Variants in ARHGAP35 observed in about 807,000 individuals in gnomAD.
ARHGAP35 encodes rho GTPase-activating protein 35.
A neutral mutation model predicts 111.1 loss-of-function variants in ARHGAP35; 15 were observed. That is an observed-to-expected ratio of 0.13 (90% confidence interval 0.09 to 0.21). The LOEUF is 0.21. Ranked by LOEUF, ARHGAP35 falls within the 10% of genes least tolerant of loss-of-function variation. The pLI is 1.00. For missense variants in ARHGAP35, 1,262 were observed against 1,873.0 expected (o/e 0.67, Z 6.02); for synonymous variants, 643 against 710.3 (o/e 0.91, Z 1.51).
At chr19:46,861,347 C>T (rs963589184) in intron 1 of ARHGAP35, among the ~76,000 whole-genome samples, 138 bp downstream of exon 1, 51 of 149,780 alleles carry the variant, frequency 3.4e-4, no homozygotes, top group Middle Eastern at 3.5e-3. Context: ...GGAGCGGCCC[C>T]CCCCCCAGCC....
chr19:46,907,292 G>A (rs1407788363), intron 1 of ARHGAP35, among the ~76,000 whole-genome samples: 1 of 151,370 alleles, frequency 6.6e-6, no homozygotes, highest in Non-Finnish European at 1.5e-5. Flanking sequence ...GACTACAGGC[G>A]CCCGCCACCA....
In ARHGAP35 at chr19:46,926,720, A is replaced by G. The variant is rs951725344; in HGVS notation, c.3681+4364A>G. On this transcript the variant is annotated intron_variant, in intron 2 of 6. Coordinates refer to ENST00000672722, the MANE Select transcript of ARHGAP35 (RefSeq NM_004491.5). This position sits in a 1 kb window ranked among gnomAD's most constrained non-coding sequence, Gnocchi z 4.1. ...AGACAACCTATTGAAAAGCTAACCA[A>G]TTCAATCATGCATTGTTTGGTCTAT... 6.6e-6 allele frequency among the ~76,000 whole-genome samples: 1 copy of G among 152,160 alleles called. No individual in the cohort carries two copies. The highest frequency in any genetic ancestry group is 1.5e-5 in the Non-Finnish European group (1 of 68,032).
At chr19:46,929,049 C>T (rs1247524721) in intron 2 of ARHGAP35, among the ~76,000 whole-genome samples, 2 of 152,122 alleles carry the variant, frequency 1.3e-5, no homozygotes, top group African/African-American at 4.8e-5. Context: ...TGTGGTCCTT[C>T]CTGTTCATCC....
rs2056746453 is a variant in ARHGAP35 at position 47,001,188 on chromosome 19, CCTT to C, written c.*501_*503del. On this transcript the variant is annotated 3_prime_UTR_variant, in exon 7 of 7. Coordinates refer to ENST00000672722, the MANE Select transcript of ARHGAP35 (RefSeq NM_004491.5). The surrounding 1 kb of genome is among the most constrained non-coding windows in gnomAD (Gnocchi z 5.4). ...AAGGGTACAGCCCGGCTGGCGGCCT[CCTT>C]GGGAACGTGTAGGCCACGGCTCTGC... 8.0e-7 allele frequency: 1 copy of C among 1,251,668 alleles called. No homozygotes were observed. The highest frequency in any genetic ancestry group is 1.0e-6 in the Non-Finnish European group (1 of 971,834). 77.5% of individuals were successfully genotyped at this position (1,251,668 alleles called of 1,614,324 possible).
intron 3 of ARHGAP35, chr19:46,948,091 A>G (rs1945536627): frequency 6.6e-6 from 1 of 152,050 alleles, no homozygotes; most frequent in African/African-American, 2.4e-5. Context: ...ATAGGGTGGG[A>G]CCCTCGCAGG....
In ARHGAP35 at chr19:46,918,681, G is replaced by A; in HGVS notation, c.6G>A (p.Met2Ile). 1.2e-6 allele frequency: 2 copies of A among 1,611,892 alleles called. No individual in the cohort carries two copies. The highest frequency in any genetic ancestry group is 1.7e-6 in the Non-Finnish European group (2 of 1,178,222). The change falls in exon 2 of 7, where the codon ATG (methionine) becomes ATA (isoleucine). Residue 2 changes from methionine to isoleucine, a missense_variant. By Grantham distance (10) the Met-to-Ile change is conservative. Coordinates refer to ENST00000672722, the MANE Select transcript of ARHGAP35 (RefSeq NM_004491.5). The surrounding 1 kb of genome is among the most constrained non-coding windows in gnomAD (Gnocchi z 5.4). ...CGTGGCAGGATGTGTCGACGATGATGATGGCAAGAAAGCAAGATGTCCGAA... is the reference window on the plus strand; with the variant it reads ...CGTGGCAGGATGTGTCGACGATGATAATGGCAAGAAAGCAAGATGTCCGAA... M[M>I]MARKQDVRIP...
intron 2 of ARHGAP35, among the ~76,000 whole-genome samples, chr19:46,925,503 G>A (rs2056232898): frequency 6.6e-6 from 1 of 152,174 alleles, no homozygotes; most frequent in African/African-American, 2.4e-5. Flanking sequence ...AGTTGGTAAG[G>A]GAAAATACAC....
In ARHGAP35 at chr19:46,877,665, C is replaced by T. The variant is rs114190471; in HGVS notation, c.-189+16456C>T. 5.9e-3 allele frequency among the ~76,000 whole-genome samples: 898 copies of T among 152,074 alleles called. 8 individuals are homozygous for T. The highest frequency in any genetic ancestry group is 0.02 in the African/African-American group (848 of 41,496). On this transcript the variant is annotated intron_variant, in intron 1 of 6. Transcript: ENST00000672722. ...CATTATGTCTTTAAAAAAGTATATA[C>T]CTTAATTTAAAAGTACCTTTTTAAA... is the stretch of plus-strand genomic sequence containing the variant.
At chr19:46,971,931 A>T (rs1157098146) in intron 3 of ARHGAP35, among the ~76,000 whole-genome samples, 2 of 152,228 alleles carry the variant, frequency 1.3e-5, no homozygotes, top group South Asian at 4.1e-4. Flanking sequence ...TCTTCAGAAA[A>T]TATCAGCCCA....
chr19:46,984,714 T>C (rs1279260177), intron 3 of ARHGAP35, among the ~76,000 whole-genome samples: 1 of 152,244 alleles, frequency 6.6e-6, no homozygotes, highest in Non-Finnish European at 1.5e-5. Context: ...TGATGATTAA[T>C]TGATGCTCTG....
chr19:46,918,615 G>T lies in ARHGAP35; in HGVS notation c.-61G>T. 1 of 1,518,348 alleles carries T rather than the reference G, an allele frequency of 6.6e-7. No homozygotes were observed. The highest frequency in any genetic ancestry group is 9.0e-7 in the Non-Finnish European group (1 of 1,113,064). 94.1% of individuals were successfully genotyped at this position (1,518,348 alleles called of 1,614,324 possible). On this transcript the variant is annotated 5_prime_UTR_variant, in exon 2 of 7. Coordinates refer to ENST00000672722, the MANE Select transcript of ARHGAP35 (RefSeq NM_004491.5). The surrounding 1 kb of genome is among the most constrained non-coding windows in gnomAD (Gnocchi z 5.4). The stretch of plus-strand genomic sequence containing the variant: ...CCACTAATAATGTAGGAAGCTGTCT[G>T]GTCCATTGGAAACACTAATCTGATC...
intron 1 of ARHGAP35, among the ~76,000 whole-genome samples, chr19:46,866,345 C>T (rs1331757274): frequency 3.3e-5 from 5 of 152,198 alleles, no homozygotes; most frequent in Non-Finnish European, 5.9e-5. Flanking sequence ...GTAGTCTAGC[C>T]TCCTCATTTA....
rs2056759340 is a variant in ARHGAP35, at chr19:47,003,535, AT to A, written c.*2849del. ...GGCGTGGCTCGTGAATCCACTTAGA[AT>A]TCTTGGCTTGTGTCGCATACTGGGT... On this transcript the variant is annotated 3_prime_UTR_variant, in exon 7 of 7. Transcript: ENST00000672722. 6.6e-6 allele frequency: 1 copy of A among 152,180 alleles called. No homozygotes were observed. Among genetic ancestry groups the A allele is most frequent in the Non-Finnish European group, 1.5e-5 (1 of 68,080 alleles). The allele number at this position is 152,180 out of a possible 1,614,324, so 9.4% of individuals were successfully genotyped here. A position where few individuals can be genotyped will look rare whatever the true frequency, so the allele number is the denominator to read the frequency against.
intron 3 of ARHGAP35, among the ~76,000 whole-genome samples, chr19:46,950,918 C>G (rs183624078): frequency 6.6e-6 from 1 of 152,296 alleles, no homozygotes; most frequent in African/African-American, 2.4e-5. Flanking sequence ...CACCAAGACT[C>G]CAAAATGAAA....
At position 46,996,076 on chromosome 19, in the gene ARHGAP35, G is replaced by T. The variant is rs116464307; in HGVS notation, c.4037-3228G>T. On this transcript the variant is annotated intron_variant, in intron 5 of 6. Transcript: ENST00000672722. Reference sequence around the variant, plus strand: ...GGCTGAGGTGCATATGCAGAAGGAGGCTGGGATTCTAGGGGGCAGCCCCTA... The same window carrying T: ...GGCTGAGGTGCATATGCAGAAGGAGTCTGGGATTCTAGGGGGCAGCCCCTA... Among the ~76,000 whole-genome samples, 832 of 152,288 alleles carry T rather than the reference G, an allele frequency of 5.5e-3. 7 individuals are homozygous for T. The highest frequency in any genetic ancestry group is 0.019 in the African/African-American group (790 of 41,564).
Position 46,988,790 on chromosome 19 carries a change from C to G in ARHGAP35, c.3904+724C>G, listed in dbSNP as rs903335282. On this transcript the variant is annotated intron_variant, in intron 4 of 6. Transcript: ENST00000672722. This position sits in a 1 kb window ranked among gnomAD's most constrained non-coding sequence, Gnocchi z 5.4. ...GGGCGGCCCTTGCGCCTTGCAGCAC[C>G]GCAGTCGGGCTCAGCTGGCCGGCAG... 1.3e-5 allele frequency: 2 copies of G among 153,114 alleles called. No individual in the cohort carries two copies. Among genetic ancestry groups the G allele is most frequent in the African/African-American group, 4.8e-5 (2 of 41,454 alleles). 9.5% of individuals were successfully genotyped at this position (153,114 alleles called of 1,614,324 possible). A position where few individuals can be genotyped will look rare whatever the true frequency, so the allele number is the denominator to read the frequency against.
Position 47,003,519 on chromosome 19 carries a change from C to T in ARHGAP35, c.*2831C>T, listed in dbSNP as rs537480787. On this transcript the variant is annotated 3_prime_UTR_variant, in exon 7 of 7. Coordinates refer to ENST00000672722, the MANE Select transcript of ARHGAP35 (RefSeq NM_004491.5). ...AGACCCAAGGCTGGGTGGCGTGGCT[C>T]GTGAATCCACTTAGAATTCTTGGCT... 5 of 152,350 alleles carry T rather than the reference C, an allele frequency of 3.3e-5. No homozygotes were observed. Among genetic ancestry groups the T allele is most frequent in the East Asian group, 1.9e-4 (1 of 5,168 alleles). 9.4% of individuals were successfully genotyped at this position (152,350 alleles called of 1,614,324 possible).
intron 1 of ARHGAP35, among the ~76,000 whole-genome samples, chr19:46,902,733 G>A (rs921271089): frequency 3.9e-5 from 6 of 152,042 alleles, no homozygotes; most frequent in African/African-American, 7.3e-5. Flanking sequence ...TATTTTAATC[G>A]CCACGGCCCC....
chr19:46,935,360 C>A (rs1026771332), intron 2 of ARHGAP35, among the ~76,000 whole-genome samples: 2 of 152,208 alleles, frequency 1.3e-5, no homozygotes, highest in African/African-American at 4.8e-5. Context: ...TTGAAGTAAT[C>A]TCACCCAGCA....
Sources: allele counts gnomAD v4.1 joint callset (sites outside exome capture counted in the v4.1 genomes callset), GRCh38; gene constraint gnomAD v4.1.1; non-coding constraint Gnocchi (gnomAD v3.1); transcripts MANE v1.5; gene names NCBI Gene and HGNC (gene_info 2026-07-23, HGNC 2026-07-21).